Variants in TRIM51G observed in about 807,000 individuals in gnomAD.
TRIM51G encodes the protein tripartite motif-containing 51G, also known as tripartite motif-containing protein 51G.
chr11:48,978,828 C>A, the TRIM51G span: 6 of 863,834 alleles, frequency 6.9e-6, no homozygotes, highest in African/African-American at 1.0e-4. Context: ...AACACCCATC[C>A]ACTTGAATCT....
chr11:48,980,495 C>T, the TRIM51G span, among the ~76,000 whole-genome samples: 3 of 152,082 alleles, frequency 2.0e-5, no homozygotes, highest in African/African-American at 7.2e-5. Flanking sequence ...TGAAATGTAG[C>T]TCACATTTCA....
chr11:48,976,086 C>A, the TRIM51G span: 1 of 372,536 alleles, frequency 2.7e-6, no homozygotes, highest in South Asian at 2.2e-5. Context: ...CAAGAATTTA[C>A]TTTGCCAAGA....
At chr11:48,977,252 A>G in the TRIM51G span, 2 of 715,966 alleles carry the variant, frequency 2.8e-6, no homozygotes, top group Admixed American at 2.1e-5. Flanking sequence ...ACCTTTATTT[A>G]AAAGACATTT....
chr11:48,982,969 A>ATGTG, the TRIM51G span, among the ~76,000 whole-genome samples: 1 of 88,638 alleles, frequency 1.1e-5, no homozygotes, highest in Non-Finnish European at 2.3e-5. Flanking sequence ...ATATATATAT[A>ATGTG]TATATATATA....
At chr11:48,975,647 T>G in the TRIM51G span, 1 of 1,422,758 alleles carries the variant, frequency 7.0e-7, no homozygotes, top group Non-Finnish European at 9.9e-7. Flanking sequence ...TCTGTAGGTC[T>G]TGGAACATAT....
the TRIM51G span, chr11:48,975,699 GTCC>G: frequency 6.5e-7 from 1 of 1,528,628 alleles, no homozygotes; most frequent in Non-Finnish European, 9.1e-7. Context: ...TGCAGTGAGT[GTCC>G]TCCTTAACAC....
chr11:48,981,520 G>A, the TRIM51G span: 1 of 1,604,568 alleles, frequency 6.2e-7, no homozygotes, highest in East Asian at 2.2e-5. Flanking sequence ...TCTCTGCCGT[G>A]TTGTCTTCTT....
chr11:48,978,186 T>G, the TRIM51G span: 3 of 532,248 alleles, frequency 5.6e-6, no homozygotes, highest in African/African-American at 5.8e-5. Flanking sequence ...AAAGGCTTAG[T>G]GCTTTCCACA....
chr11:48,978,159 G>A, the TRIM51G span: 41 of 530,372 alleles, frequency 7.7e-5, no homozygotes, highest in Non-Finnish European at 1.2e-4. Context: ...GTCTCCAAAA[G>A]ACTGTAAAAA....
the TRIM51G span, among the ~76,000 whole-genome samples, chr11:48,982,863 G>T: frequency 1.6e-5 from 2 of 124,710 alleles, no homozygotes; most frequent in Admixed American, 1.8e-4. Context: ...CACACCTATG[G>T]TATACAGTAT....
At chr11:48,979,015 C>G in the TRIM51G span, 1 of 1,226,256 alleles carries the variant, frequency 8.2e-7, no homozygotes, top group Non-Finnish European at 1.2e-6. Flanking sequence ...TGCAGCCTCT[C>G]CAAGTGACGT....
the TRIM51G span, among the ~76,000 whole-genome samples, chr11:48,979,317 A>C: frequency 8.5e-5 from 13 of 152,148 alleles, no homozygotes; most frequent in Non-Finnish European, 1.6e-4. Flanking sequence ...ATGTTTTCTA[A>C]GATAGTTGTA....
chr11:48,982,368 T>G, the TRIM51G span, among the ~76,000 whole-genome samples: 1 of 152,138 alleles, frequency 6.6e-6, no homozygotes, highest in Admixed American at 6.5e-5. Flanking sequence ...ATATATATAA[T>G]TATATTACTG....
the TRIM51G span, chr11:48,975,862 C>T: frequency 1.0e-6 from 1 of 978,110 alleles, no homozygotes; most frequent in Non-Finnish European, 1.6e-6. Context: ...AAAATCAGCC[C>T]CCCATTGAAG....
the TRIM51G span, among the ~76,000 whole-genome samples, chr11:48,980,695 C>T: frequency 0.17 from 26,474 of 152,036 alleles, 2,665 homozygotes; most frequent in African/African-American, 0.27. Flanking sequence ...AACAGATGAG[C>T]ATGCTTGGGT....
At chr11:48,983,467 A>G in the TRIM51G span, among the ~76,000 whole-genome samples, 1 of 152,098 alleles carries the variant, frequency 6.6e-6, no homozygotes, top group Non-Finnish European at 1.5e-5. Context: ...GTACACATAT[A>G]TAGGTTTTAA....
chr11:48,981,298 G>A, the TRIM51G span: 5 of 1,605,626 alleles, frequency 3.1e-6, no homozygotes, highest in Non-Finnish European at 4.3e-6. Flanking sequence ...GCGTTCCTCA[G>A]CAGCCCACTC....
At chr11:48,977,918 ATTT>A in the TRIM51G span, among the ~76,000 whole-genome samples, 1 of 150,800 alleles carries the variant, frequency 6.6e-6, no homozygotes, top group East Asian at 1.9e-4. Context: ...TTATTTATTT[ATTT>A]ATTTATTTTT....
the TRIM51G span, among the ~76,000 whole-genome samples, chr11:48,977,553 C>T: frequency 1.3e-5 from 2 of 152,058 alleles, no homozygotes; most frequent in Non-Finnish European, 2.9e-5. Flanking sequence ...CTGTTGCTTC[C>T]TTCTCAAGGC....
Sources: gnomAD v4.1 joint callset for allele counts (sites outside exome capture counted in the v4.1 genomes callset) on GRCh38, gnomAD v4.1.1 for gene constraint, MANE v1.5 for transcripts, NCBI Gene and HGNC (gene_info 2026-07-23, HGNC 2026-07-21) for gene names.